Variants in IL6R observed in about 807,000 individuals in gnomAD.
IL6R encodes interleukin 6 receptor.
IL6R carries 38 observed loss-of-function variants against 48.3 expected under a neutral mutation model. The observed-to-expected ratio is 0.79, with a 90% CI of 0.61 to 1.03. IL6R has a LOEUF of 1.03. IL6R is among the 50% of genes least tolerant of loss of function. The pLI is 0.00. For missense variants in IL6R, 534 were observed against 618.3 expected, an observed-to-expected ratio of 0.86 and a Z score of 1.45; for synonymous variants, 264 against 256.2, an observed-to-expected ratio of 1.03 and a Z score of -0.29.
intron 1 of IL6R, among the ~76,000 whole-genome samples, chr1:154,424,228 C>T (rs1441739884): frequency 1.3e-5 from 2 of 152,180 alleles, no homozygotes; most frequent in African/African-American, 4.8e-5. Flanking sequence ...CTAACATGCC[C>T]TATATTCAAC....
At position 154,405,486 on chromosome 1, in the gene IL6R, G is replaced by A. The variant is rs1687646826; in HGVS notation, c.-144G>A. 1.3e-5 allele frequency: 9 copies of A among 695,080 alleles called. No individual in the cohort carries two copies. Among genetic ancestry groups the A allele is most frequent in the Non-Finnish European group, 2.0e-5 (9 of 443,658 alleles). The allele number at this position is 695,080 out of a possible 1,614,324, so 43.1% of individuals were successfully genotyped here. ...GACTCGCAGTGTGTGTAGAGAGCCG[G>A]GCTCCTGCGGATGGGGGCTGCCCCC... On this transcript the variant is annotated 5_prime_UTR_variant, in exon 1 of 10. Transcript: ENST00000368485. The surrounding 1 kb of genome is among the most constrained non-coding windows in gnomAD (Gnocchi z 5.2).
At chr1:154,444,020 A>T (rs1272248840) in intron 6 of IL6R, among the ~76,000 whole-genome samples, 1 of 152,090 alleles carries the variant, frequency 6.6e-6, no homozygotes, top group Non-Finnish European at 1.5e-5. Flanking sequence ...ACATCTCAAT[A>T]GCATCTAGCA....
chr1:154,427,562 G>T (rs147364029), intron 1 of IL6R, among the ~76,000 whole-genome samples: 1 of 152,232 alleles, frequency 6.6e-6, no homozygotes, highest in Non-Finnish European at 1.5e-5. Context: ...CAGCCTTGAG[G>T]TAGAGGGTGC....
rs1471837009 is a variant in IL6R, at chr1:154,466,734, GAT to G, written c.*1356_*1357del. The G allele has an allele frequency of 3.6e-5, 6 of 166,822 alleles. No homozygotes were observed. The highest frequency in any genetic ancestry group is 1.4e-4 in the African/African-American group (6 of 41,746). The allele number at this position is 166,822 out of a possible 1,614,324, so 10.3% of individuals were successfully genotyped here. A position where few individuals can be genotyped will look rare whatever the true frequency, so the allele number is the denominator to read the frequency against. ...GTGGTAGAGTGTGCCTGAAGTCCCA[GAT>G]ACTTGGGGGGCTGAGGTGGGAGGAT... is the stretch of plus-strand genomic sequence containing the variant. On this transcript the variant is annotated 3_prime_UTR_variant, in exon 10 of 10. Transcript: ENST00000368485.
At chr1:154,435,855 AGAGGCCTCTGCCAGCT>A (rs1340905419) in intron 5 of IL6R, 98 bp from the exon 6 acceptor site, 5 of 893,692 alleles carry the variant, frequency 5.6e-6, no homozygotes, top group Non-Finnish European at 8.4e-6. Flanking sequence ...GGGAGCCTCT[AGAGGCCTCTGCCAGCT>A]GAAGCACAGG....
chr1:154,460,109 A>T (rs1691161122), intron 9 of IL6R, among the ~76,000 whole-genome samples: 1 of 152,220 alleles, frequency 6.6e-6, no homozygotes, highest in South Asian at 2.1e-4. Context: ...TGAGCATTTT[A>T]AAAAACTTCT....
intron 1 of IL6R, chr1:154,414,540 A>AG: frequency 1.3e-6 from 1 of 767,952 alleles, no homozygotes; most frequent in Non-Finnish European, 2.3e-6. Flanking sequence ...GGTGTGTTGA[A>AG]GAAGAGGATC....
At chr1:154,448,377 T>C (rs1690391894) in intron 7 of IL6R, among the ~76,000 whole-genome samples, 1 of 152,266 alleles carries the variant, frequency 6.6e-6, no homozygotes, top group South Asian at 2.1e-4. Flanking sequence ...GGAGCAGCGC[T>C]GGCCTGGCGT....
At chr1:154,462,613 T>C (rs1691330549) in intron 9 of IL6R, among the ~76,000 whole-genome samples, 1 of 151,954 alleles carries the variant, frequency 6.6e-6, no homozygotes, top group African/African-American at 2.4e-5. Context: ...GACCTCGTTA[T>C]CTGCCCGCCT....
At chr1:154,445,551 C>T (rs373760945) in intron 6 of IL6R, among the ~76,000 whole-genome samples, 15 of 152,180 alleles carry the variant, frequency 9.9e-5, no homozygotes, top group African/African-American at 3.1e-4. Flanking sequence ...GAGATCAAGA[C>T]CATCCTGGCT....
Position 154,429,245 on chromosome 1 carries a change from G to T in IL6R, c.135G>T (p.Leu45=). The T allele has an allele frequency of 6.2e-7, 1 of 1,614,126 alleles. No individual in the cohort carries two copies. Among genetic ancestry groups the T allele is most frequent in the Non-Finnish European group, 8.5e-7 (1 of 1,180,000 alleles). The change falls in exon 2 of 10, where the codon CTG becomes CTT. Residue 45 remains leucine, a synonymous_variant. Coordinates refer to ENST00000368485, the MANE Select transcript of IL6R (RefSeq NM_000565.4). ...GTCTGCCAGGAGACAGCGTGACTCT[G>T]ACCTGCCCGGGGGTAGAGCCGGAAG... ...LTSLPGDSVT[L]TCPGVEPEDN...
At chr1:154,417,148 CTT>C in intron 1 of IL6R, among the ~76,000 whole-genome samples, 1 of 152,166 alleles carries the variant, frequency 6.6e-6, no homozygotes, top group East Asian at 1.9e-4. Flanking sequence ...GGGCCAGCCT[CTT>C]TGTTATACTC....
rs186830419 is a variant in IL6R, at chr1:154,415,872, C to T, written c.85+10158C>T. The stretch of plus-strand genomic sequence containing the variant: ...CAGGCACCTGTAATCCCAGCTACTC[C>T]GGAGGCTGAGGCAAGAGGGGAGGCA... On this transcript the variant is annotated intron_variant, in intron 1 of 9. Coordinates refer to ENST00000368485, the MANE Select transcript of IL6R (RefSeq NM_000565.4). 4.1e-4 allele frequency among the ~76,000 whole-genome samples: 63 copies of T among 151,976 alleles called. 1 individual carries two copies. The highest frequency in any genetic ancestry group is 1.3e-3 in the African/African-American group (55 of 41,448).
In IL6R at chr1:154,405,533, GCCCACC is replaced by G; in HGVS notation, c.-96_-91del. 2.4e-5 allele frequency: 1 copy of G among 42,446 alleles called. No individual in the cohort carries two copies. The highest frequency in any genetic ancestry group is 8.5e-3 in the Middle Eastern group (1 of 118). The allele number at this position is 42,446 out of a possible 1,614,324, so 2.6% of individuals were successfully genotyped here. A position where few individuals can be genotyped will look rare whatever the true frequency, so the allele number is the denominator to read the frequency against. On this transcript the variant is annotated 5_prime_UTR_variant, in exon 1 of 10. Transcript: ENST00000368485. The surrounding 1 kb of genome is among the most constrained non-coding windows in gnomAD (Gnocchi z 5.2). ...CCCCGGGGCCTGAGCCCGCCTGCCCGCCCACCGCCCCGCCCCGCCCCTGCCACCCCT... is the reference window on the plus strand; with the variant it reads ...CCCCGGGGCCTGAGCCCGCCTGCCCGGCCCCGCCCCGCCCCTGCCACCCCT...
At chr1:154,425,949 G>A (rs921888642) in intron 1 of IL6R, among the ~76,000 whole-genome samples, 5 of 151,470 alleles carry the variant, frequency 3.3e-5, no homozygotes, top group African/African-American at 1.2e-4. Context: ...GCATGGTGGT[G>A]TGCACCTCCC....
intron 3 of IL6R, among the ~76,000 whole-genome samples, chr1:154,433,641 C>T (rs1689432391): frequency 1.3e-5 from 2 of 152,168 alleles, no homozygotes; most frequent in African/African-American, 4.8e-5. Context: ...CCTAGCTCCC[C>T]TCACCCCTCG....
At position 154,429,297 on chromosome 1, in the gene IL6R, AG is replaced by A; in HGVS notation, c.189del (p.Lys64SerfsTer20). The A allele has an allele frequency of 6.2e-7, 1 of 1,614,096 alleles. No individual in the cohort carries two copies. Among genetic ancestry groups the A allele is most frequent in the Non-Finnish European group, 8.5e-7 (1 of 1,180,020 alleles). ...EDNATVHWVL[R>X]KPAAGSHPSR... ...CAATGCCACTGTTCACTGGGTGCTC[AG>A]GAAGCCGGCTGCAGGCTCCCACCCC... On this transcript the variant is annotated frameshift_variant, in exon 2 of 10. Transcript: ENST00000368485. LOFTEE classifies it high-confidence loss of function.
In IL6R at chr1:154,430,591, T is replaced by C; in HGVS notation, c.443T>C (p.Leu148Pro). 2 of 1,614,208 alleles carry C rather than the reference T, an allele frequency of 1.2e-6. No individual in the cohort carries two copies. The highest frequency in any genetic ancestry group is 1.7e-6 in the Non-Finnish European group (2 of 1,180,032). Residue 148 changes from leucine to proline, a missense_variant, in exon 3 of 10, where the codon CTC becomes CCC. Leu to Pro is a moderately conservative substitution (Grantham distance 98). Coordinates refer to ENST00000368485, the MANE Select transcript of IL6R (RefSeq NM_000565.4). The stretch of plus-strand genomic sequence containing the variant: ...CCATCCCTGACGACAAAGGCTGTGC[T>C]CTTGGTGAGGAAGTTGTAAGTATCT... ...STPSLTTKAV[L>P]LVRKFQNSPA...
intron 1 of IL6R, among the ~76,000 whole-genome samples, chr1:154,421,723 G>C (rs1175150700): frequency 1.3e-5 from 2 of 152,086 alleles, no homozygotes; most frequent in Non-Finnish European, 2.9e-5. Flanking sequence ...GGGCTCAAGT[G>C]ATCCTTCTGC....
Sources: allele counts gnomAD v4.1 joint callset (sites outside exome capture counted in the v4.1 genomes callset), GRCh38; gene constraint gnomAD v4.1.1; non-coding constraint Gnocchi (gnomAD v3.1); transcripts MANE v1.5; gene names NCBI Gene and HGNC (gene_info 2026-07-23, HGNC 2026-07-21).